Variants in LCTL observed in about 807,000 individuals in gnomAD.
The protein encoded by LCTL is lactase like.
LCTL carries 76 observed loss-of-function variants against 75.8 expected under a neutral mutation model. The ratio of observed to expected loss-of-function variants is 1.00; its 90% confidence interval spans 0.83 to 1.21. The LOEUF is 1.21. LCTL is among the 50% of genes most tolerant of loss of function. The probability of loss-of-function intolerance (pLI) is 0.00; values close to 1 mark genes in which losing one functional copy is unlikely to be tolerated. For synonymous variants in LCTL, 271 were observed against 268.8 expected (o/e 1.01, Z -0.08); for missense variants, 670 against 712.4 (o/e 0.94, Z 0.68).
chr15:66,557,826 G>A (rs762028328), exon 8 of LCTL: 2 of 1,614,062 alleles, frequency 1.2e-6, no homozygotes, highest in South Asian at 1.1e-5. Flanking sequence ...TAGGTCCTTG[G>A]GGTTACTAAT....
intron 12 of LCTL, 97 bp from the exon 14 acceptor site, chr15:66,548,702 T>TA (rs1198519083): frequency 1.9e-6 from 1 of 520,728 alleles, no homozygotes; most frequent in South Asian, 4.1e-5. Flanking sequence ...TGGGAAAACT[T>TA]AAAAAATAGC....
intron 8 of LCTL, 65 bp downstream of exon 9, chr15:66,557,657 G>C (rs909965004): frequency 9.1e-6 from 14 of 1,534,238 alleles, no homozygotes; most frequent in African/African-American, 4.1e-5. Flanking sequence ...CCTGCCTTTT[G>C]CTTGTTTCAC....
At position 66,563,490 on chromosome 15, in the gene LCTL, G is replaced by A. The variant is rs748356028; in HGVS notation, c.480+26C>T. ...TCCTGCTTAGTTGAGTCCCCTTTGG[G>A]CCTGTGAGCCTGCTCAGGTCCTCAC... On this transcript the variant is annotated intron_variant, in intron 4 of 12. Transcript: ENST00000341509. 8 of 1,547,252 alleles carry A rather than the reference G, an allele frequency of 5.2e-6. No individual in the cohort carries two copies. In the Admixed American group the frequency reaches 8.4e-5, roughly 16 times the overall value.
chr15:66,560,364 C>T (rs935810019), intron 6 of LCTL, among the ~76,000 whole-genome samples: 5 of 152,190 alleles, frequency 3.3e-5, no homozygotes, highest in Middle Eastern at 3.4e-3. Flanking sequence ...CCTTCCCCAG[C>T]GACAAGGCTT....
chr15:66,563,843 T>A, intron 3 of LCTL, 68 bp downstream of exon 4: 1 of 1,241,504 alleles, frequency 8.1e-7, no homozygotes, highest in South Asian at 1.2e-5. Flanking sequence ...GACTCTGTGG[T>A]GCCCCTGCAA....
At chr15:66,565,378 T>C in exon 1 of LCTL, 3 of 1,531,688 alleles carry the variant, frequency 2.0e-6, no homozygotes, top group Non-Finnish European at 2.7e-6. Context: ...TGCCTGGCCC[T>C]CCCCCATACC....
At chr15:66,553,346 A>G in intron 8 of LCTL, 88 bp from the exon 10 acceptor site, 1 of 1,141,228 alleles carries the variant, frequency 8.8e-7, no homozygotes, top group Non-Finnish European at 1.2e-6. Context: ...ACATCTTGAC[A>G]TAAACGGTGG....
rs755794389 is a variant in LCTL, at chr15:66,553,126, C to CT, written c.1054dup (p.Arg352LysfsTer16). 1.2e-6 allele frequency: 2 copies of CT among 1,612,018 alleles called. No homozygotes were observed. Among genetic ancestry groups the CT allele is most frequent in the Non-Finnish European group, 1.7e-6 (2 of 1,179,166 alleles). On this transcript the variant is annotated frameshift_variant, in exon 9 of 13. Coordinates refer to ENST00000341509, the Ensembl canonical transcript of LCTL. LOFTEE classifies it high-confidence loss of function. ...GGGCCCCTGGCGGGAGGGGTAGTTC[C>CT]TTTCCGTGATGTACCGAGTAGTAAA...
At chr15:66,560,795 C>T (rs1463421884) in intron 6 of LCTL, among the ~76,000 whole-genome samples, 2 of 152,198 alleles carry the variant, frequency 1.3e-5, no homozygotes, top group Admixed American at 1.3e-4. Context: ...AGGCTGTAAG[C>T]TCTTGGGAGT....
exon 4 of LCTL, chr15:66,563,617 C>T (rs1359515719): frequency 2.5e-6 from 4 of 1,606,788 alleles, no homozygotes; most frequent in Non-Finnish European, 3.4e-6. Context: ...TTCTTGTTCA[C>T]CTGCTCGGCT....
At chr15:66,550,763 G>A (rs908603991) in intron 11 of LCTL, among the ~76,000 whole-genome samples, 2 of 152,218 alleles carry the variant, frequency 1.3e-5, no homozygotes, top group African/African-American at 2.4e-5. Context: ...ACAGGCATGA[G>A]CCACCGTACC....
chr15:66,557,287 C>T (rs1895762104), intron 8 of LCTL, among the ~76,000 whole-genome samples: 1 of 152,154 alleles, frequency 6.6e-6, no homozygotes, highest in Non-Finnish European at 1.5e-5. Flanking sequence ...TCCCTGTAAG[C>T]CTTACTTGTG....
exon 13 of LCTL, chr15:66,548,535 G>A: frequency 1.2e-6 from 2 of 1,613,360 alleles, no homozygotes; most frequent in Non-Finnish European, 1.7e-6. Flanking sequence ...CAGCAGTGAT[G>A]AGGACACAGA....
At chr15:66,554,960 T>C (rs1895706494) in intron 8 of LCTL, among the ~76,000 whole-genome samples, 1 of 152,158 alleles carries the variant, frequency 6.6e-6, no homozygotes, top group South Asian at 2.1e-4. Flanking sequence ...CTTTAAAAAA[T>C]TGGAAACATG....
At chr15:66,551,001 TACTTA>T (rs1245363087) in intron 11 of LCTL, among the ~76,000 whole-genome samples, 1 of 152,136 alleles carries the variant, frequency 6.6e-6, no homozygotes, top group Non-Finnish European at 1.5e-5. Flanking sequence ...ACATTTGATT[TACTTA>T]ACTTTTTAAA....
At chr15:66,553,628 G>A (rs1057413909) in intron 8 of LCTL, among the ~76,000 whole-genome samples, 11 of 151,846 alleles carry the variant, frequency 7.2e-5, no homozygotes, top group Admixed American at 3.3e-4. Flanking sequence ...GGTGGCAGCC[G>A]CCTGTAGTCC....
chr15:66,551,656 G>T lies in LCTL; in HGVS notation c.1524+6C>A. On this transcript the variant is annotated splice_donor_region_variant and intron_variant, in intron 11 of 12. Coordinates refer to ENST00000341509, the Ensembl canonical transcript of LCTL. ...CAGAACAGATAACATTGATAATGAG[G>T]CCTACCTCTCTTGGATTGGGAAACC... The T allele has an allele frequency of 6.2e-7, 1 of 1,609,244 alleles. No homozygotes were observed. Among genetic ancestry groups the T allele is most frequent in the South Asian group, 1.1e-5 (1 of 90,982 alleles).
intron 12 of LCTL, 187 bp downstream of exon 13, chr15:66,549,854 G>T (rs1895532614): frequency 2.2e-6 from 1 of 450,900 alleles, no homozygotes; most frequent in East Asian, 3.6e-5. Flanking sequence ...TATCTTTCAT[G>T]GTAGATTAAA....
intron 11 of LCTL, among the ~76,000 whole-genome samples, chr15:66,551,022 G>T (rs1895578847): frequency 6.6e-6 from 1 of 151,990 alleles, no homozygotes; most frequent in Non-Finnish European, 1.5e-5. Flanking sequence ...TTAAATATAT[G>T]TTGAAGAATA....
Sources: allele counts gnomAD v4.1 joint callset (sites outside exome capture counted in the v4.1 genomes callset), GRCh38; gene constraint gnomAD v4.1.1; transcripts MANE v1.5; gene names NCBI Gene and HGNC (gene_info 2026-07-23, HGNC 2026-07-21).